The following NELL2 variants were observed in gnomAD, a reference collection of about 807,000 sequenced individuals.
NELL2 encodes the protein neural EGFL like 2.
In NELL2, 41 loss-of-function variants were observed where a neutral mutation model predicts 109.6. That is an observed-to-expected ratio of 0.37 (90% CI 0.29 to 0.49). NELL2 has a LOEUF of 0.49. Ranked by LOEUF, NELL2 falls within the 20% of genes least tolerant of loss-of-function variation. The pLI is 0.98. For synonymous variants in NELL2, 355 were observed against 344.7 expected (o/e 1.03, Z -0.33); for missense variants, 900 against 1,008.3 (o/e 0.89, Z 1.45).
At chr12:44,864,956 C>T (rs1447647782) in intron 2 of NELL2, among the ~76,000 whole-genome samples, 1 of 147,278 alleles carries the variant, frequency 6.8e-6, no homozygotes, top group African/African-American at 2.5e-5. Context: ...CTGACTTCCA[C>T]AATGGTTGAA....
chr12:44,694,798 C>T (rs1949008544), intron 12 of NELL2, among the ~76,000 whole-genome samples: 1 of 152,052 alleles, frequency 6.6e-6, no homozygotes, highest in African/African-American at 2.4e-5. Flanking sequence ...GCTGGGTTTG[C>T]AATCAGAGAA....
At chr12:44,898,638 T>G (rs1401148005) in intron 1 of NELL2, among the ~76,000 whole-genome samples, 2 of 152,088 alleles carry the variant, frequency 1.3e-5, no homozygotes, top group Non-Finnish European at 2.9e-5. Flanking sequence ...GACGAATCCA[T>G]GAAGATGAGG....
At chr12:44,820,502 G>C (rs895221275) in intron 2 of NELL2, among the ~76,000 whole-genome samples, 1 of 151,976 alleles carries the variant, frequency 6.6e-6, no homozygotes, top group Non-Finnish European at 1.5e-5. Context: ...CCAGCTACTC[G>C]GGAGGCTGAG....
chr12:44,799,783 G>A (rs1942769463), intron 3 of NELL2, among the ~76,000 whole-genome samples: 1 of 151,998 alleles, frequency 6.6e-6, no homozygotes, highest in South Asian at 2.1e-4. Context: ...TATTAACTGG[G>A]GTGTCACCCT....
intron 9 of NELL2, among the ~76,000 whole-genome samples, chr12:44,757,001 T>A (rs1457772208): frequency 6.6e-6 from 1 of 152,184 alleles, no homozygotes; most frequent in East Asian, 1.9e-4. Context: ...CATCTCAAAC[T>A]CCTTATGGCC....
chr12:44,904,405 C>T (rs1160378862), intron 1 of NELL2, among the ~76,000 whole-genome samples: 7 of 152,178 alleles, frequency 4.6e-5, no homozygotes, highest in South Asian at 2.1e-4. Flanking sequence ...TGATACTCAA[C>T]GCTTGCAGGT....
chr12:44,819,860 C>A (rs1365172574), intron 2 of NELL2, among the ~76,000 whole-genome samples: 2 of 152,002 alleles, frequency 1.3e-5, no homozygotes, highest in Non-Finnish European at 2.9e-5. Flanking sequence ...TTCTTTTTTT[C>A]TTTCATCCTG....
intron 3 of NELL2, among the ~76,000 whole-genome samples, chr12:44,788,374 T>C (rs2136621245): frequency 6.6e-6 from 1 of 152,252 alleles, no homozygotes; most frequent in South Asian, 2.1e-4. Flanking sequence ...GAGATCCTCT[T>C]CTCCCAAACA....
intron 13 of NELL2, among the ~76,000 whole-genome samples, chr12:44,630,774 A>T (rs1946425763): frequency 6.6e-6 from 1 of 152,148 alleles, no homozygotes; most frequent in South Asian, 2.1e-4. Flanking sequence ...AGCTAATTTT[A>T]AAAAAGGATA....
At chr12:44,602,062 C>T (rs74078489) in intron 15 of NELL2, among the ~76,000 whole-genome samples, 2 of 152,066 alleles carry the variant, frequency 1.3e-5, no homozygotes, top group African/African-American at 4.8e-5. Flanking sequence ...AAGCAGGGTA[C>T]GGTCAAAAAG....
chr12:44,613,884 T>C (rs1945718462), intron 13 of NELL2, among the ~76,000 whole-genome samples: 1 of 152,088 alleles, frequency 6.6e-6, no homozygotes, highest in Non-Finnish European at 1.5e-5. Context: ...CCTTGAGGAC[T>C]CCACCATCAA....
chr12:44,838,578 T>A (rs527670730), intron 2 of NELL2, among the ~76,000 whole-genome samples: 1 of 152,256 alleles, frequency 6.6e-6, no homozygotes, highest in Admixed American at 6.5e-5. Context: ...GACTAATATA[T>A]ATAAACCACC....
intron 1 of NELL2, among the ~76,000 whole-genome samples, chr12:44,898,128 C>T (rs1360643444): frequency 6.6e-6 from 1 of 152,182 alleles, no homozygotes; most frequent in Non-Finnish European, 1.5e-5. Context: ...ATAGAAAAAA[C>T]TCCCATCTCC....
chr12:44,631,854 C>A (rs568016094), intron 13 of NELL2, among the ~76,000 whole-genome samples: 1 of 152,084 alleles, frequency 6.6e-6, no homozygotes, highest in Non-Finnish European at 1.5e-5. Flanking sequence ...TGATCCTAAG[C>A]CCGATAAAGG....
intron 3 of NELL2, among the ~76,000 whole-genome samples, chr12:44,790,153 C>T (rs1372927349): frequency 6.6e-6 from 1 of 152,114 alleles, no homozygotes; most frequent in African/African-American, 2.4e-5. Flanking sequence ...ATAAAAAGAT[C>T]ATCGCCTAGG....
chr12:44,780,665 TCC>T (rs1212853131), intron 3 of NELL2, among the ~76,000 whole-genome samples: 4 of 152,078 alleles, frequency 2.6e-5, no homozygotes, highest in African/African-American at 9.6e-5. Flanking sequence ...GAAGCACACT[TCC>T]CTTTCCCCGC....
chr12:44,852,363 T>C (rs753118285), intron 2 of NELL2, among the ~76,000 whole-genome samples: 8 of 152,206 alleles, frequency 5.3e-5, no homozygotes, highest in Admixed American at 1.3e-4. Context: ...TAGCACATAT[T>C]TGTCATGTTG....
chr12:44,651,704 A>G (rs1008111276), intron 13 of NELL2, among the ~76,000 whole-genome samples: 3 of 152,206 alleles, frequency 2.0e-5, no homozygotes, highest in African/African-American at 7.2e-5. Context: ...TAAGATGATC[A>G]TATTTATGAT....
chr12:44,685,254 T>C (rs1948674970), intron 12 of NELL2, among the ~76,000 whole-genome samples: 1 of 152,098 alleles, frequency 6.6e-6, no homozygotes, highest in Admixed American at 6.5e-5. Flanking sequence ...TTTTTTTGTT[T>C]TCCATTTGCT....
Sources: gnomAD v4.1 joint callset for allele counts (sites outside exome capture counted in the v4.1 genomes callset) on GRCh38, gnomAD v4.1.1 for gene constraint, MANE v1.5 for transcripts, NCBI Gene and HGNC (gene_info 2026-07-23, HGNC 2026-07-21) for gene names.